DNAJC3: variants seen among roughly 807,000 people sequenced by gnomAD.
The protein encoded by DNAJC3 is DnaJ heat shock protein family (Hsp40) member C3.
In DNAJC3, 38 loss-of-function variants were observed where a neutral mutation model predicts 68.6. The ratio of observed to expected loss-of-function variants is 0.55; its 90% confidence interval spans 0.43 to 0.73. The LOEUF is 0.73. Among genes scored for constraint, DNAJC3 ranks in the 30% least tolerant of loss-of-function variants. DNAJC3 has a pLI of 0.00. For missense variants in DNAJC3, 526 were observed against 591.9 expected, an observed-to-expected ratio of 0.89 and a Z score of 1.16; for synonymous variants, 203 against 204.0, an observed-to-expected ratio of 1.00 and a Z score of 0.04.
rs1271693075 is a variant in DNAJC3, at chr13:95,793,416, T to TAGC, written c.*2388_*2390dup. On this transcript the variant is annotated 3_prime_UTR_variant, in exon 12 of 12. Transcript: ENST00000602402. The stretch of plus-strand genomic sequence containing the variant: ...TCCCCCTGCCTGTCTCACTGTAGGG[T>TAGC]AGCATTATCCACTGTAAAACCATAC... 2 of 151,398 alleles carry TAGC rather than the reference T, an allele frequency of 1.3e-5. No homozygotes were observed. Among genetic ancestry groups the TAGC allele is most frequent in the East Asian group, 1.9e-4 (1 of 5,152 alleles). 9.4% of individuals were successfully genotyped at this position (151,398 alleles called of 1,614,324 possible).
intron 1 of DNAJC3, among the ~76,000 whole-genome samples, chr13:95,686,190 C>T (rs566177283): frequency 3.6e-4 from 55 of 151,988 alleles, no homozygotes; most frequent in African/African-American, 1.2e-3. Context: ...CTTGATCTCC[C>T]GACCTTGTGA....
intron 1 of DNAJC3, among the ~76,000 whole-genome samples, chr13:95,679,765 A>T (rs891280764): frequency 1.3e-5 from 2 of 152,228 alleles, no homozygotes; most frequent in African/African-American, 4.8e-5. Flanking sequence ...TAACCATTTT[A>T]TGTGTGTATA....
At chr13:95,770,916 A>T (rs1172539810) in intron 9 of DNAJC3, among the ~76,000 whole-genome samples, 2 of 152,202 alleles carry the variant, frequency 1.3e-5, no homozygotes, top group African/African-American at 4.8e-5. Context: ...TTATATTATG[A>T]CAGTCTCACA....
chr13:95,785,333 T>C (rs1004925449), intron 9 of DNAJC3, among the ~76,000 whole-genome samples: 2 of 152,090 alleles, frequency 1.3e-5, no homozygotes, highest in Non-Finnish European at 2.9e-5. Context: ...TATTAACATA[T>C]TTACCCAGAG....
At chr13:95,778,891 A>C (rs1197721375) in intron 9 of DNAJC3, among the ~76,000 whole-genome samples, 3 of 152,098 alleles carry the variant, frequency 2.0e-5, no homozygotes, top group Non-Finnish European at 2.9e-5. Context: ...TATGTATTAT[A>C]ATTTTGTATG....
At chr13:95,712,780 A>G (rs1249513672) in intron 2 of DNAJC3, among the ~76,000 whole-genome samples, 2 of 152,174 alleles carry the variant, frequency 1.3e-5, no homozygotes, top group Non-Finnish European at 2.9e-5. Context: ...TTTTCCATAT[A>G]CAAGATTATG....
intron 2 of DNAJC3, among the ~76,000 whole-genome samples, chr13:95,722,045 T>C (rs1300749651): frequency 2.0e-5 from 3 of 152,220 alleles, no homozygotes; most frequent in Admixed American, 2.0e-4. Flanking sequence ...TGGCTGGCTT[T>C]TGTCAAGGTT....
chr13:95,681,613 C>T (rs1879917250), intron 1 of DNAJC3, among the ~76,000 whole-genome samples: 1 of 152,168 alleles, frequency 6.6e-6, no homozygotes, highest in Non-Finnish European at 1.5e-5. Context: ...CTTGGCCTCC[C>T]AAAGTGTTGA....
intron 4 of DNAJC3, chr13:95,742,892 A>G (rs771053014): frequency 2.0e-6 from 1 of 497,462 alleles, no homozygotes; most frequent in South Asian, 1.4e-5. Context: ...CATATCTTCT[A>G]AAAGTTTTAT....
At chr13:95,729,904 T>C (rs879787682) in intron 4 of DNAJC3, among the ~76,000 whole-genome samples, 2 of 152,196 alleles carry the variant, frequency 1.3e-5, no homozygotes, top group Non-Finnish European at 2.9e-5. Context: ...TGTATATTAG[T>C]TGCTTGTTGG....
intron 4 of DNAJC3, among the ~76,000 whole-genome samples, chr13:95,725,825 T>A (rs1422024741): frequency 2.0e-5 from 1 of 51,232 alleles, no homozygotes; most frequent in African/African-American, 8.2e-5. Context: ...CCCTCCCCCC[T>A]CCCCCCACCC....
chr13:95,723,140 TTAG>T (rs1881391350), intron 2 of DNAJC3, 99 bp from the exon 3 acceptor site: 1 of 1,052,908 alleles, frequency 9.5e-7, no homozygotes, highest in African/African-American at 1.6e-5. Flanking sequence ...AATGTCCATC[TTAG>T]TAGAGTTGCA....
intron 1 of DNAJC3, among the ~76,000 whole-genome samples, chr13:95,678,038 T>C (rs1879810089): frequency 6.6e-6 from 1 of 152,208 alleles, no homozygotes; most frequent in Non-Finnish European, 1.5e-5. Context: ...CTTAAAAAGA[T>C]ACGAACGATT....
At chr13:95,768,787 C>A (rs1475673184) in intron 9 of DNAJC3, among the ~76,000 whole-genome samples, 2 of 152,068 alleles carry the variant, frequency 1.3e-5, no homozygotes, top group Non-Finnish European at 2.9e-5. Flanking sequence ...CCAGCCTGGT[C>A]AACATGGTGA....
chr13:95,775,733 G>C (rs1359271726), intron 9 of DNAJC3, among the ~76,000 whole-genome samples: 1 of 152,142 alleles, frequency 6.6e-6, no homozygotes, highest in East Asian at 1.9e-4. Flanking sequence ...CAAGTCATGT[G>C]TTTGAATCCT....
chr13:95,791,408 C>T lies in DNAJC3; in HGVS notation c.*378C>T. On this transcript the variant is annotated 3_prime_UTR_variant, in exon 12 of 12. Transcript: ENST00000602402. ...CAGTGCCTACAAGTGTAAGAAGGAG[C>T]TGTAATCTTCATGAGGATGGTTATA... The T allele has an allele frequency of 4.4e-6, 1 of 228,842 alleles. No individual in the cohort carries two copies. The highest frequency in any genetic ancestry group is 8.6e-6 in the Non-Finnish European group (1 of 116,030). 14.2% of individuals were successfully genotyped at this position (228,842 alleles called of 1,614,324 possible).
At chr13:95,770,869 T>G (rs1219178424) in intron 9 of DNAJC3, among the ~76,000 whole-genome samples, 1 of 152,214 alleles carries the variant, frequency 6.6e-6, no homozygotes, top group African/African-American at 2.4e-5. Context: ...TGAATATGCA[T>G]AAAACGTAGT....
At chr13:95,704,342 A>G (rs1880660393) in intron 1 of DNAJC3, among the ~76,000 whole-genome samples, 1 of 152,226 alleles carries the variant, frequency 6.6e-6, no homozygotes, top group Admixed American at 6.5e-5. Flanking sequence ...TGTGGGCAAG[A>G]TAGCATCATA....
chr13:95,746,769 T>C (rs568873560), intron 4 of DNAJC3, among the ~76,000 whole-genome samples: 2 of 152,338 alleles, frequency 1.3e-5, no homozygotes, highest in African/African-American at 4.8e-5. Flanking sequence ...TGGATATGTT[T>C]AGCTACATTT....
Sources: gnomAD v4.1 joint callset for allele counts (sites outside exome capture counted in the v4.1 genomes callset) on GRCh38, gnomAD v4.1.1 for gene constraint, MANE v1.5 for transcripts, NCBI Gene and HGNC (gene_info 2026-07-23, HGNC 2026-07-21) for gene names.